Variants in OXTR observed in about 807,000 individuals in gnomAD.
The protein encoded by OXTR is oxytocin receptor.
In OXTR, 19 loss-of-function variants were observed where a neutral mutation model predicts 23.9. The observed-to-expected ratio is 0.80, with a 90% CI of 0.56 to 1.17. The LOEUF (loss-of-function observed/expected upper bound fraction) is 1.17, where lower values mean the gene tolerates loss of function less well. OXTR is among the 50% of genes most tolerant of loss of function. OXTR has a pLI of 0.00. For missense variants in OXTR, 500 were observed against 550.7 expected, an observed-to-expected ratio of 0.91 and a Z score of 0.92; for synonymous variants, 278 against 250.5, an observed-to-expected ratio of 1.11 and a Z score of -1.04.
At chr3:8,742,747 G>T in the OXTR span, 1 of 298,810 alleles carries the variant, frequency 3.3e-6, no homozygotes, top group Non-Finnish European at 6.7e-6. Context: ...TGGATGGATG[G>T]ATGGATGAAA....
intron 3 of OXTR, among the ~76,000 whole-genome samples, chr3:8,764,839 C>G (rs147796195): frequency 7.9e-5 from 12 of 152,292 alleles, no homozygotes; most frequent in African/African-American, 2.9e-4. Flanking sequence ...GAATCCCTGC[C>G]GGTCTGTGTT....
chr3:8,763,644 A>C (rs529095930), intron 3 of OXTR, among the ~76,000 whole-genome samples: 8 of 152,240 alleles, frequency 5.3e-5, no homozygotes, highest in Non-Finnish European at 1.2e-4. Flanking sequence ...TGAAAGATAT[A>C]TAAAGGGCTT....
chr3:8,745,952 C>A (rs934971470), downstream of OXTR: 59 of 1,108,468 alleles, frequency 5.3e-5, no homozygotes, highest in Non-Finnish European at 7.4e-5. This position sits in a 1 kb window ranked among gnomAD's most constrained non-coding sequence, Gnocchi z 4.8. Flanking sequence ...GGGCTGCTGG[C>A]GAGCTCTTTC....
chr3:8,768,473 C>A lies in OXTR; in HGVS notation c.-143+23G>T. ...GGCCTCGGGTTGCTCAGCCGCCACC[C>A]CAGAAATCCCCGTTGGAGGTACCTC... On this transcript the variant is annotated intron_variant, in intron 2 of 3. Transcript: ENST00000316793. This position sits in a 1 kb window ranked among gnomAD's most constrained non-coding sequence, Gnocchi z 5.4. 1 of 323,816 alleles carries A rather than the reference C, an allele frequency of 3.1e-6. No individual in the cohort carries two copies. The highest frequency in any genetic ancestry group is 5.1e-5 in the East Asian group (1 of 19,434). 20.1% of individuals were successfully genotyped at this position (323,816 alleles called of 1,614,324 possible).
downstream of OXTR, chr3:8,745,834 CA>C (rs769063720): frequency 8.1e-6 from 13 of 1,613,596 alleles, no homozygotes; most frequent in Non-Finnish European, 1.1e-5. The surrounding 1 kb of genome is among the most constrained non-coding windows in gnomAD (Gnocchi z 4.8). Context: ...AGGTCTGCAG[CA>C]GCATCAAGGT....
chr3:8,749,127 G>A (rs745622791), downstream of OXTR, among the ~76,000 whole-genome samples: 24 of 152,256 alleles, frequency 1.6e-4, 1 homozygote, highest in Non-Finnish European at 2.2e-4. Flanking sequence ...GAACCCCTGC[G>A]CTCATTCTTC....
At chr3:8,746,098 G>A (rs753819211), downstream of OXTR, 62 of 514,630 alleles carry the variant, frequency 1.2e-4, no homozygotes, top group Middle Eastern at 1.0e-3. Context: ...ATGCCTGGGC[G>A]TGGGGGAAGA....
At chr3:8,742,368 AAAAAAAG>A in the OXTR span, 1 of 350,640 alleles carries the variant, frequency 2.9e-6, no homozygotes, top group Non-Finnish European at 5.6e-6. Context: ...ACCAAAAAAA[AAAAAAAG>A]AAGAAGAAGA....
At chr3:8,765,371 G>A (rs993952294) in intron 3 of OXTR, among the ~76,000 whole-genome samples, 3 of 152,234 alleles carry the variant, frequency 2.0e-5, no homozygotes, top group African/African-American at 4.8e-5. Flanking sequence ...ATGAATGGGA[G>A]AGGCGAGGGG....
At chr3:8,753,764 C>A (rs199565710) in intron 3 of OXTR, among the ~76,000 whole-genome samples, 2 of 152,148 alleles carry the variant, frequency 1.3e-5, no homozygotes, top group East Asian at 3.9e-4. Context: ...GCCTGGTACA[C>A]AGTGGGTGCC....
chr3:8,747,325 C>T (rs1484542561), downstream of OXTR, among the ~76,000 whole-genome samples: 1 of 152,122 alleles, frequency 6.6e-6, no homozygotes, highest in Non-Finnish European at 1.5e-5. Flanking sequence ...CAAAATTTTA[C>T]CCAATTTTGG....
rs1338441113 is a variant in OXTR, at chr3:8,767,321, C to T, written c.867G>A (p.Thr289=). 1.3e-6 allele frequency: 2 copies of T among 1,599,728 alleles called. No homozygotes were observed. Among genetic ancestry groups the T allele is most frequent in the South Asian group, 1.1e-5 (1 of 88,726 alleles). ...IIVLAFIVCW[T]PFFFVQMWSV... ...TCCACATCTGCACGAAGAAGAAAGG[C>T]GTCCAGCACACGATGAAGGCCAGCA... Residue 289 remains threonine (T), a synonymous_variant, in exon 3 of 4, where the codon ACG becomes ACA. Transcript: ENST00000316793.
At chr3:8,764,889 A>C (rs1209856883) in intron 3 of OXTR, among the ~76,000 whole-genome samples, 4 of 152,162 alleles carry the variant, frequency 2.6e-5, no homozygotes, top group Non-Finnish European at 5.9e-5. Context: ...GCTGAGGAGG[A>C]CCAAGAGAAG....
At chr3:8,756,523 G>T (rs1448215749) in intron 3 of OXTR, among the ~76,000 whole-genome samples, 1 of 152,170 alleles carries the variant, frequency 6.6e-6, no homozygotes, top group Admixed American at 6.5e-5. Flanking sequence ...AGCTGGTTAG[G>T]CAGTTTGCCT....
At chr3:8,758,611 T>C (rs1015862801) in intron 3 of OXTR, among the ~76,000 whole-genome samples, 3 of 152,170 alleles carry the variant, frequency 2.0e-5, no homozygotes, top group African/African-American at 7.2e-5. Context: ...CACTACAGGG[T>C]GCCTTCTTAG....
At chr3:8,749,923 G>C (rs1456927632), downstream of OXTR, among the ~76,000 whole-genome samples, 1 of 152,170 alleles carries the variant, frequency 6.6e-6, no homozygotes. Flanking sequence ...GCCTTTGAGA[G>C]TGCTCCTGCT....
intron 3 of OXTR, among the ~76,000 whole-genome samples, chr3:8,766,650 T>C (rs1005041780): frequency 2.0e-5 from 3 of 152,170 alleles, no homozygotes; most frequent in African/African-American, 7.2e-5. Flanking sequence ...CTCCACTCGA[T>C]GAGGAGTTCA....
chr3:8,760,168 C>T (rs1056272988), intron 3 of OXTR, among the ~76,000 whole-genome samples: 22 of 152,354 alleles, frequency 1.4e-4, no homozygotes, highest in African/African-American at 5.0e-4. Context: ...AACCTAAGTC[C>T]TATTCTGAAC....
intron 3 of OXTR, 131 bp from the exon 4 acceptor site, chr3:8,753,355 G>T: frequency 9.0e-7 from 1 of 1,116,406 alleles, no homozygotes; most frequent in Non-Finnish European, 1.3e-6. Context: ...TGAATCACAA[G>T]ATGAGGTACT....
Sources: allele counts gnomAD v4.1 joint callset (sites outside exome capture counted in the v4.1 genomes callset), GRCh38; gene constraint gnomAD v4.1.1; non-coding constraint Gnocchi (gnomAD v3.1); transcripts MANE v1.5; gene names NCBI Gene and HGNC (gene_info 2026-07-23, HGNC 2026-07-21).